POLR2F: variants seen among roughly 807,000 people sequenced by gnomAD.
POLR2F encodes RNA polymerase II, I and III subunit F, also known as DNA-directed RNA polymerases I, II, and III subunit RPABC2.
In POLR2F, 12 loss-of-function variants were observed where a neutral mutation model predicts 22.7. The ratio of observed to expected loss-of-function variants is 0.53; its 90% CI spans 0.34 to 0.86. The LOEUF is 0.86. Among genes scored for constraint, POLR2F ranks in the 40% least tolerant of loss-of-function variants. The pLI is 0.02. For synonymous variants in POLR2F, 57 were observed against 66.0 expected, an observed-to-expected ratio of 0.86 and a Z score of 0.66; for missense variants, 126 against 171.5, an observed-to-expected ratio of 0.73 and a Z score of 1.48.
chr22:38,009,008 G>A (rs778873232), intron 1 of POLR2F, among the ~76,000 whole-genome samples: 5 of 152,230 alleles, frequency 3.3e-5, no homozygotes, highest in African/African-American at 4.8e-5. Context: ...GCATATGCAT[G>A]AAGACCTGAA....
chr22:37,958,840 A>G (rs1931508841), intron 2 of POLR2F, among the ~76,000 whole-genome samples: 1 of 152,186 alleles, frequency 6.6e-6, no homozygotes, highest in Non-Finnish European at 1.5e-5. Flanking sequence ...AGCATCTGTT[A>G]ACAATATCTG....
intron 2 of POLR2F, among the ~76,000 whole-genome samples, chr22:37,957,413 G>C (rs1931444916): frequency 6.6e-6 from 1 of 152,224 alleles, no homozygotes; most frequent in Non-Finnish European, 1.5e-5. Flanking sequence ...AGTTATTTCG[G>C]TGGGTTGGTT....
rs938821218 is a variant in POLR2F, at chr22:38,016,763, A to G, written c.121-9106A>G. Among the ~76,000 whole-genome samples, 3 of 151,864 alleles carry G rather than the reference A, an allele frequency of 2.0e-5. No homozygotes were observed. The highest frequency in any genetic ancestry group is 4.4e-5 in the Non-Finnish European group (3 of 67,932). On this transcript the variant is annotated intron_variant, in intron 1 of 2. Coordinates refer to the POLR2F transcript ENST00000333418. The surrounding 1 kb of genome is among the most constrained non-coding windows in gnomAD (Gnocchi z 4.4). ...AGGGGGCGGGAGGGGGCCGCCGTCA[A>G]TGCCCGCATTGTCCCCGCGCTTTTT...
At chr22:37,983,724 G>A (rs1161833735), upstream of POLR2F, 1 of 1,491,498 alleles carries the variant, frequency 6.7e-7, no homozygotes. The surrounding 1 kb of genome is among the most constrained non-coding windows in gnomAD (Gnocchi z 9.5). Context: ...GACAGGCAGC[G>A]GGGCTCCTCC....
intron 1 of POLR2F, among the ~76,000 whole-genome samples, chr22:38,003,182 G>T (rs1454326673): frequency 6.6e-6 from 1 of 152,096 alleles, no homozygotes; most frequent in East Asian, 1.9e-4. Context: ...ACTCTAGAAA[G>T]TTTGGTAGAG....
At chr22:37,965,347 G>T (rs1054783543) in intron 3 of POLR2F, among the ~76,000 whole-genome samples, 1 of 152,170 alleles carries the variant, frequency 6.6e-6, no homozygotes, top group Non-Finnish European at 1.5e-5. Context: ...TGGGGTTTCA[G>T]TCTGGTTCAT....
At chr22:38,027,796 G>A (rs905050845), downstream of POLR2F, among the ~76,000 whole-genome samples, 21 of 152,104 alleles carry the variant, frequency 1.4e-4, no homozygotes, top group South Asian at 2.1e-4. Context: ...AGCACAGTGC[G>A]GGCTCATAGG....
chr22:38,027,791 A>T (rs1024765618), downstream of POLR2F, among the ~76,000 whole-genome samples: 32 of 152,104 alleles, frequency 2.1e-4, no homozygotes, highest in Non-Finnish European at 8.8e-5. Context: ...CACCCAGCAC[A>T]GTGCGGGCTC....
downstream of POLR2F, chr22:37,973,524 G>A: frequency 6.2e-7 from 1 of 1,609,632 alleles, no homozygotes; most frequent in South Asian, 1.1e-5. Flanking sequence ...GTATATACTG[G>A]CTGCTCCCAG....
chr22:37,989,476 G>T (rs973998382), intron 1 of POLR2F, among the ~76,000 whole-genome samples: 1 of 152,148 alleles, frequency 6.6e-6, no homozygotes, highest in Non-Finnish European at 1.5e-5. Context: ...GTCAGACCAG[G>T]TGGCATTCCT....
intron 1 of POLR2F, among the ~76,000 whole-genome samples, chr22:37,989,231 T>C (rs541581311): frequency 6.6e-6 from 1 of 152,322 alleles, no homozygotes; most frequent in African/African-American, 2.4e-5. Flanking sequence ...GATAATCTTA[T>C]GCACCCTTGA....
At chr22:37,973,655 T>G (rs748666965), downstream of POLR2F, 204 of 1,613,426 alleles carry the variant, frequency 1.3e-4, no homozygotes, top group Non-Finnish European at 1.6e-4. Context: ...CTGGCCCGAG[T>G]GGCCATAATA....
chr22:38,011,222 C>T (rs995358741), intron 1 of POLR2F, among the ~76,000 whole-genome samples: 3 of 152,112 alleles, frequency 2.0e-5, no homozygotes, highest in Non-Finnish European at 4.4e-5. Context: ...CCACCTCAGC[C>T]TCCCGAGTAG....
chr22:37,977,862 C>T, intron 4 of POLR2F: 1 of 1,607,102 alleles, frequency 6.2e-7, no homozygotes. Flanking sequence ...GTCATCAGCA[C>T]TCACCTGAGG....
upstream of POLR2F, chr22:37,985,979 A>G (rs929129267): frequency 5.0e-6 from 5 of 1,002,876 alleles, no homozygotes; most frequent in Middle Eastern, 3.3e-4. Context: ...ATCTCCCCCC[A>G]GTTTTCCTCG....
chr22:38,008,877 G>T (rs2084847605), intron 1 of POLR2F, among the ~76,000 whole-genome samples: 1 of 151,238 alleles, frequency 6.6e-6, no homozygotes, highest in Admixed American at 6.6e-5. Flanking sequence ...AAAAAAGAAA[G>T]AAAAGAAAAA....
downstream of POLR2F, chr22:37,974,251 G>T: frequency 7.2e-7 from 1 of 1,379,554 alleles, no homozygotes; most frequent in Non-Finnish European, 1.0e-6. This position sits in a 1 kb window ranked among gnomAD's most constrained non-coding sequence, Gnocchi z 5.4. Flanking sequence ...CAGGTTAGAG[G>T]CAGGTGGGCG....
At chr22:38,008,587 A>G (rs527679385) in intron 1 of POLR2F, among the ~76,000 whole-genome samples, 51 of 151,250 alleles carry the variant, frequency 3.4e-4, no homozygotes, top group Non-Finnish European at 7.1e-4. Context: ...AAAACATTAA[A>G]AAAGCCAGGC....
At chr22:37,996,908 G>A (rs1260945096) in intron 1 of POLR2F, among the ~76,000 whole-genome samples, 3 of 152,188 alleles carry the variant, frequency 2.0e-5, no homozygotes, top group Non-Finnish European at 2.9e-5. Context: ...ACCTGGTGGA[G>A]GCACTACTGC....
Sources: allele counts gnomAD v4.1 joint callset (sites outside exome capture counted in the v4.1 genomes callset), GRCh38; gene constraint gnomAD v4.1.1; non-coding constraint Gnocchi (gnomAD v3.1); transcripts MANE v1.5; gene names NCBI Gene and HGNC (gene_info 2026-07-23, HGNC 2026-07-21).